Variants in ATXN7L3B observed in about 807,000 individuals in gnomAD.
ATXN7L3B encodes ataxin 7 like 3B, also known as ataxin-7-like protein 3B.
A neutral mutation model predicts 6.3 loss-of-function variants in ATXN7L3B; 4 were observed. That is an observed-to-expected ratio of 0.63 (90% CI 0.31 to 1.45). ATXN7L3B has a LOEUF of 1.45. ATXN7L3B is among the 40% of genes most tolerant of loss of function. ATXN7L3B has a pLI of 0.07. For missense variants in ATXN7L3B, 120 were observed against 118.5 expected (o/e 1.01, Z -0.06); for synonymous variants, 63 against 48.0 (o/e 1.31, Z -1.29).
At position 74,542,742 on chromosome 12, in the gene ATXN7L3B, T is replaced by C. The variant is rs936691457; in HGVS notation, c.*4336T>C. ...GTAACTAAAAATTCAGGAAGAACTT[T>C]CTTGTGCACACATTAATAAGTAACA... On this transcript the variant is annotated 3_prime_UTR_variant, in exon 1 of 1. Coordinates refer to ENST00000519948, the MANE Select transcript of ATXN7L3B (RefSeq NM_001136262.2). 1 of 152,158 alleles carries C rather than the reference T, an allele frequency of 6.6e-6. No homozygotes were observed. The highest frequency in any genetic ancestry group is 2.4e-5 in the African/African-American group (1 of 41,452). The allele number at this position is 152,158 out of a possible 1,614,324, so 9.4% of individuals were successfully genotyped here.
In ATXN7L3B at chr12:74,540,790, A is replaced by G. The variant is rs1329535982; in HGVS notation, c.*2384A>G. The G allele has an allele frequency of 6.0e-6, 1 of 167,096 alleles. No homozygotes were observed. Among genetic ancestry groups the G allele is most frequent in the East Asian group, 1.9e-4 (1 of 5,194 alleles). 10.4% of individuals were successfully genotyped at this position (167,096 alleles called of 1,614,324 possible). On this transcript the variant is annotated 3_prime_UTR_variant, in exon 1 of 1. Coordinates refer to ENST00000519948, the MANE Select transcript of ATXN7L3B (RefSeq NM_001136262.2). The stretch of plus-strand genomic sequence containing the variant: ...TCAGATAGGGAACTCAAATCCTGAA[A>G]TTACTGTTTTCTTTCTGGCCTTTTC...
chr12:74,539,801 G>C lies in ATXN7L3B; in HGVS notation c.*1395G>C, dbSNP rs543312911. 1.8e-5 allele frequency: 3 copies of C among 167,230 alleles called. No homozygotes were observed. Among genetic ancestry groups the C allele is most frequent in the African/African-American group, 7.2e-5 (3 of 41,584 alleles). 10.4% of individuals were successfully genotyped at this position (167,230 alleles called of 1,614,324 possible). On this transcript the variant is annotated 3_prime_UTR_variant, in exon 1 of 1. Transcript: ENST00000519948. ...ACCCTCCACTTTATTCCCTGAGCGAGGGTTTATGAAGTATAAAGGGGTGGG... is the reference window on the plus strand; with the variant it reads ...ACCCTCCACTTTATTCCCTGAGCGACGGTTTATGAAGTATAAAGGGGTGGG...
In ATXN7L3B at chr12:74,538,645, C is replaced by T. The variant is rs938153626; in HGVS notation, c.*239C>T. The T allele has an allele frequency of 1.1e-5, 6 of 542,772 alleles. No individual in the cohort carries two copies. The highest frequency in any genetic ancestry group is 2.1e-5 in the South Asian group (1 of 47,190). 33.6% of individuals were successfully genotyped at this position (542,772 alleles called of 1,614,324 possible). On this transcript the variant is annotated 3_prime_UTR_variant, in exon 1 of 1. Coordinates refer to ENST00000519948, the MANE Select transcript of ATXN7L3B (RefSeq NM_001136262.2). ...GGAGCTGCACAGCCTGCGGGCCATG[C>T]AGTGCCTGTTGATCTCTAAACACAC...
Position 74,538,291 on chromosome 12 carries a change from G to A in ATXN7L3B, c.179G>A (p.Gly60Asp), listed in dbSNP as rs1220944454. The part of the protein sequence containing the change: ...FAETGSVKDF[G>D]IQPVEDKGAC... Reference sequence around the variant, plus strand: ...GAGACTGGTAGCGTGAAGGATTTTGGCATTCAGCCAGTGGAAGACAAAGGA... The same window carrying A: ...GAGACTGGTAGCGTGAAGGATTTTGACATTCAGCCAGTGGAAGACAAAGGA... Residue 60 changes from glycine to aspartate, a missense_variant, in exon 1 of 1, where the codon GGC becomes GAC. Physicochemically the swap from Gly to Asp is moderately conservative, Grantham distance 94. Transcript: ENST00000519948. 6.4e-7 allele frequency: 1 copy of A among 1,562,036 alleles called. No individual in the cohort carries two copies. The highest frequency in any genetic ancestry group is 1.7e-4 in the Middle Eastern group (1 of 6,006).
chr12:74,538,027 C>G lies in ATXN7L3B; in HGVS notation c.-86C>G. On this transcript the variant is annotated 5_prime_UTR_variant, in exon 1 of 1. Transcript: ENST00000519948. Reference sequence around the variant, plus strand: ...CGGAGGACTGGGCACTGAAAGGCCTCTAGGCCTAGGCGCGGCCCGCGGAGC... The same window carrying G: ...CGGAGGACTGGGCACTGAAAGGCCTGTAGGCCTAGGCGCGGCCCGCGGAGC... 1 of 1,394,520 alleles carries G rather than the reference C, an allele frequency of 7.2e-7. No individual in the cohort carries two copies. Among genetic ancestry groups the G allele is most frequent in the Non-Finnish European group, 9.8e-7 (1 of 1,024,862 alleles). The allele number at this position is 1,394,520 out of a possible 1,614,324, so 86.4% of individuals were successfully genotyped here.
In ATXN7L3B at chr12:74,538,231, C is replaced by A; in HGVS notation, c.119C>A (p.Ala40Glu). 1.2e-6 allele frequency: 2 copies of A among 1,602,288 alleles called. No individual in the cohort carries two copies. The highest frequency in any genetic ancestry group is 1.7e-6 in the Non-Finnish European group (2 of 1,174,070). Residue 40 changes from alanine to glutamate, a missense_variant, in exon 1 of 1, where the codon GCA becomes GAA. Coordinates refer to ENST00000519948, the MANE Select transcript of ATXN7L3B (RefSeq NM_001136262.2). ...GGATTCTGCTTTGAGGTGCACCGGG[C>A]AGTCAAGTGTGGCTACTTCTACCTG... ...CLGFCFEVHR[A>E]VKCGYFYLEF... is the part of the protein sequence containing the mutation.
Position 74,538,273 on chromosome 12 carries a change from G to A in ATXN7L3B, c.161G>A (p.Gly54Asp). The stretch of plus-strand genomic sequence containing the variant: ...TTCTACCTGGAGTTCGCAGAGACTG[G>A]TAGCGTGAAGGATTTTGGCATTCAG... ...GYFYLEFAET[G>D]SVKDFGIQPV... Residue 54 changes from glycine (G) to aspartate (D), a missense_variant, in exon 1 of 1, where the codon GGT becomes GAT. Physicochemically the swap from Gly to Asp is moderately conservative, Grantham distance 94 (BLOSUM62 -1). Transcript: ENST00000519948. The A allele has an allele frequency of 6.4e-7, 1 of 1,573,620 alleles. No individual in the cohort carries two copies. Among genetic ancestry groups the A allele is most frequent in the South Asian group, 1.2e-5 (1 of 85,516 alleles).
In ATXN7L3B at chr12:74,543,048, T is replaced by A. The variant is rs1190842796; in HGVS notation, c.*4642T>A. ...TTGCTTTGGAGGACAGCATTAGAAG[T>A]GATGTTCCTATTCAAAAAGGTTTTG... On this transcript the variant is annotated 3_prime_UTR_variant, in exon 1 of 1. Coordinates refer to ENST00000519948, the MANE Select transcript of ATXN7L3B (RefSeq NM_001136262.2). The A allele has an allele frequency of 6.6e-6, 1 of 152,142 alleles. No individual in the cohort carries two copies. Among genetic ancestry groups the A allele is most frequent in the East Asian group, 1.9e-4 (1 of 5,194 alleles). 9.4% of individuals were successfully genotyped at this position (152,142 alleles called of 1,614,324 possible). A position where few individuals can be genotyped will look rare whatever the true frequency, so the allele number is the denominator to read the frequency against.
chr12:74,540,963 G>T lies in ATXN7L3B; in HGVS notation c.*2557G>T, dbSNP rs8744. ...ATAAGGTGGGCTTGGTCCAACAGGT[G>T]CCCAGAGGGTACATACTCCTTTCTG... On this transcript the variant is annotated 3_prime_UTR_variant, in exon 1 of 1. Coordinates refer to ENST00000519948, the MANE Select transcript of ATXN7L3B (RefSeq NM_001136262.2). The T allele has an allele frequency of 0.44, 73,306 of 166,792 alleles. 18,614 individuals carry two copies. The highest frequency in any genetic ancestry group is 0.54 in the Non-Finnish European group (36,591 of 68,036). The allele number at this position is 166,792 out of a possible 1,614,324, so 10.3% of individuals were successfully genotyped here.
At position 74,545,225 on chromosome 12, in the gene ATXN7L3B, G is replaced by T. The variant is rs1868994221; in HGVS notation, c.*6819G>T. 6.6e-6 allele frequency: 1 copy of T among 151,992 alleles called. No individual in the cohort carries two copies. Among genetic ancestry groups the T allele is most frequent in the Non-Finnish European group, 1.5e-5 (1 of 67,914 alleles). The allele number at this position is 151,992 out of a possible 1,614,324, so 9.4% of individuals were successfully genotyped here. On this transcript the variant is annotated 3_prime_UTR_variant, in exon 1 of 1. Coordinates refer to ENST00000519948, the MANE Select transcript of ATXN7L3B (RefSeq NM_001136262.2). ...CTGTTGCAGCATTATATGTAATAGG[G>T]AAAAATTGAAAGTAATATACCCATT...
At position 74,538,104 on chromosome 12, in the gene ATXN7L3B, C is replaced by T. The variant is rs1465622753; in HGVS notation, c.-9C>T. On this transcript the variant is annotated 5_prime_UTR_variant, in exon 1 of 1. Transcript: ENST00000519948. ...CGAGCGCCCTCTCCGCACTCGTTTA[C>T]AAATTAAAATGGAGGAAATTTCGTT... 1 of 1,552,150 alleles carries T rather than the reference C, an allele frequency of 6.4e-7. No individual in the cohort carries two copies. Among genetic ancestry groups the T allele is most frequent in the East Asian group, 2.4e-5 (1 of 40,964 alleles).
chr12:74,542,613 C>T lies in ATXN7L3B; in HGVS notation c.*4207C>T, dbSNP rs1868925431. 1 of 151,220 alleles carries T rather than the reference C, an allele frequency of 6.6e-6. No individual in the cohort carries two copies. Among genetic ancestry groups the T allele is most frequent in the African/African-American group, 2.4e-5 (1 of 41,126 alleles). 9.4% of individuals were successfully genotyped at this position (151,220 alleles called of 1,614,324 possible). A position where few individuals can be genotyped will look rare whatever the true frequency, so the allele number is the denominator to read the frequency against. On this transcript the variant is annotated 3_prime_UTR_variant, in exon 1 of 1. Coordinates refer to ENST00000519948, the MANE Select transcript of ATXN7L3B (RefSeq NM_001136262.2). ...TACCTTTTAACTACCAATGTTTAACCTCCTAGATTTAGCATTTAACTACAG... is the reference window on the plus strand; with the variant it reads ...TACCTTTTAACTACCAATGTTTAACTTCCTAGATTTAGCATTTAACTACAG...
In ATXN7L3B at chr12:74,542,635, A is replaced by G. The variant is rs1592596902; in HGVS notation, c.*4229A>G. 6.6e-6 allele frequency: 1 copy of G among 152,260 alleles called. No individual in the cohort carries two copies. The highest frequency in any genetic ancestry group is 1.5e-5 in the Non-Finnish European group (1 of 67,984). 9.4% of individuals were successfully genotyped at this position (152,260 alleles called of 1,614,324 possible). On this transcript the variant is annotated 3_prime_UTR_variant, in exon 1 of 1. Transcript: ENST00000519948. ...AACCTCCTAGATTTAGCATTTAACT[A>G]CAGCATGTACCATCAGGTCAAGAAT...
rs1868883801 is a variant in ATXN7L3B at position 74,541,126 on chromosome 12, C to T, written c.*2720C>T. 1 of 161,126 alleles carries T rather than the reference C, an allele frequency of 6.2e-6. No individual in the cohort carries two copies. Among genetic ancestry groups the T allele is most frequent in the Non-Finnish European group, 1.5e-5 (1 of 67,806 alleles). 10.0% of individuals were successfully genotyped at this position (161,126 alleles called of 1,614,324 possible). A position where few individuals can be genotyped will look rare whatever the true frequency, so the allele number is the denominator to read the frequency against. ...ATCACCCTGCAATCCTATTATGTATCTGAGTGTGTGTGTGTGTGTATGTGT... is the reference window on the plus strand; with the variant it reads ...ATCACCCTGCAATCCTATTATGTATTTGAGTGTGTGTGTGTGTGTATGTGT... On this transcript the variant is annotated 3_prime_UTR_variant, in exon 1 of 1. Transcript: ENST00000519948.
chr12:74,541,888 C>T lies in ATXN7L3B; in HGVS notation c.*3482C>T, dbSNP rs563064003. 1.3e-5 allele frequency: 2 copies of T among 152,232 alleles called. No homozygotes were observed. The highest frequency in any genetic ancestry group is 4.8e-5 in the African/African-American group (2 of 41,538). 9.4% of individuals were successfully genotyped at this position (152,232 alleles called of 1,614,324 possible). On this transcript the variant is annotated 3_prime_UTR_variant, in exon 1 of 1. Coordinates refer to ENST00000519948, the MANE Select transcript of ATXN7L3B (RefSeq NM_001136262.2). The stretch of plus-strand genomic sequence containing the variant: ...TTTTTTCTCAATACTTAAAAAATTA[C>T]CTCAACACTTTAGATCTTTCATTTC...
chr12:74,544,420 G>A lies in ATXN7L3B; in HGVS notation c.*6014G>A, dbSNP rs535300416. On this transcript the variant is annotated 3_prime_UTR_variant, in exon 1 of 1. Transcript: ENST00000519948. ...TATATGAACACCAGATGCTAGAATA[G>A]ACAAGATCTTTTTGACAGATGTATA... is the stretch of plus-strand genomic sequence containing the variant. 4 of 152,090 alleles carry A rather than the reference G, an allele frequency of 2.6e-5. No individual in the cohort carries two copies. In the South Asian group the frequency reaches 8.3e-4, roughly 32 times the overall value. The allele number at this position is 152,090 out of a possible 1,614,324, so 9.4% of individuals were successfully genotyped here.
rs1024352352 is a variant in ATXN7L3B, at chr12:74,538,555, G to A, written c.*149G>A. On this transcript the variant is annotated 3_prime_UTR_variant, in exon 1 of 1. Coordinates refer to ENST00000519948, the MANE Select transcript of ATXN7L3B (RefSeq NM_001136262.2). ...TCCTAGCATTTAAAAACCCAAAGTG[G>A]ATAATTTAGGAATCCTTTTTTTAAA... 5 of 747,336 alleles carry A rather than the reference G, an allele frequency of 6.7e-6. No homozygotes were observed. In the African/African-American group the frequency reaches 8.9e-5, roughly 13 times the overall value. 46.3% of individuals were successfully genotyped at this position (747,336 alleles called of 1,614,324 possible).
In ATXN7L3B at chr12:74,545,241, T is replaced by C. The variant is rs1868994843; in HGVS notation, c.*6835T>C. 6.6e-6 allele frequency: 1 copy of C among 152,098 alleles called. No individual in the cohort carries two copies. Among genetic ancestry groups the C allele is most frequent in the Non-Finnish European group, 1.5e-5 (1 of 67,948 alleles). The allele number at this position is 152,098 out of a possible 1,614,324, so 9.4% of individuals were successfully genotyped here. ...TGTAATAGGGAAAAATTGAAAGTAA[T>C]ATACCCATTTGGAATACATATAGTC... On this transcript the variant is annotated 3_prime_UTR_variant, in exon 1 of 1. Coordinates refer to ENST00000519948, the MANE Select transcript of ATXN7L3B (RefSeq NM_001136262.2).
chr12:74,539,793 C>G lies in ATXN7L3B; in HGVS notation c.*1387C>G. ...TCAAAACTACCCTCCACTTTATTCC[C>G]TGAGCGAGGGTTTATGAAGTATAAA... On this transcript the variant is annotated 3_prime_UTR_variant, in exon 1 of 1. Transcript: ENST00000519948. The G allele has an allele frequency of 6.0e-6, 1 of 167,082 alleles. No individual in the cohort carries two copies. The highest frequency in any genetic ancestry group is 6.5e-5 in the Admixed American group (1 of 15,280). The allele number at this position is 167,082 out of a possible 1,614,324, so 10.3% of individuals were successfully genotyped here.
Sources: allele counts gnomAD v4.1 joint callset, GRCh38; gene constraint gnomAD v4.1.1; transcripts MANE v1.5; gene names NCBI Gene and HGNC (gene_info 2026-07-23, HGNC 2026-07-21).